The following SRD5A1 variants were observed in gnomAD, a reference collection of about 807,000 sequenced individuals.
SRD5A1 encodes the protein steroid 5 alpha-reductase 1, also known as 3-oxo-5-alpha-steroid 4-dehydrogenase 1.
A neutral mutation model predicts 28.2 loss-of-function variants in SRD5A1; 22 were observed. The observed-to-expected ratio is 0.78, with a 90% confidence interval of 0.56 to 1.12. SRD5A1 has a LOEUF of 1.12. Among genes scored for constraint, SRD5A1 ranks in the 50% most tolerant of loss-of-function variants. The pLI, the probability that SRD5A1 is intolerant of heterozygous loss-of-function variation, is 0.00. For missense variants in SRD5A1, 300 were observed against 346.7 expected (o/e 0.87, Z 1.07); for synonymous variants, 151 against 135.0 (o/e 1.12, Z -0.82).
intron 1 of SRD5A1, among the ~76,000 whole-genome samples, chr5:6,644,003 A>C (rs1290194857): frequency 6.6e-6 from 1 of 152,172 alleles, no homozygotes; most frequent in Non-Finnish European, 1.5e-5. Context: ...AATTCAACCC[A>C]CAACTTAGAA....
chr5:6,646,714 T>C (rs1738521054), intron 1 of SRD5A1, among the ~76,000 whole-genome samples: 1 of 152,074 alleles, frequency 6.6e-6, no homozygotes, highest in Non-Finnish European at 1.5e-5. Context: ...TGTTGATCTT[T>C]TCAAAAAACC....
chr5:6,651,724 C>T (rs945649255), intron 1 of SRD5A1, 118 bp from the exon 2 acceptor site: 1 of 920,326 alleles, frequency 1.1e-6, no homozygotes, highest in Non-Finnish European at 1.6e-6. Context: ...ATAAATGTTA[C>T]TGAGGATGAC....
chr5:6,657,875 C>T (rs1738879374), intron 3 of SRD5A1, among the ~76,000 whole-genome samples: 1 of 152,176 alleles, frequency 6.6e-6, no homozygotes, highest in Non-Finnish European at 1.5e-5. Context: ...TGTTCTAATC[C>T]AACATATTCA....
At chr5:6,642,847 G>A (rs1226331992) in intron 1 of SRD5A1, among the ~76,000 whole-genome samples, 2 of 152,146 alleles carry the variant, frequency 1.3e-5, no homozygotes, top group Non-Finnish European at 2.9e-5. Context: ...GGGACAAATC[G>A]GCATAGTCAG....
intron 1 of SRD5A1, among the ~76,000 whole-genome samples, chr5:6,642,500 A>G (rs1039094077): frequency 6.6e-6 from 1 of 152,232 alleles, no homozygotes; most frequent in Non-Finnish European, 1.5e-5. Flanking sequence ...CTTAGAATTT[A>G]TATCCACTGC....
At chr5:6,666,679 T>C (rs1020839309) in intron 4 of SRD5A1, among the ~76,000 whole-genome samples, 7 of 152,220 alleles carry the variant, frequency 4.6e-5, no homozygotes, top group African/African-American at 1.7e-4. Context: ...TTCTATATAA[T>C]GGTTTCTGTG....
Position 6,633,580 on chromosome 5 carries a change from GCA to G in SRD5A1, c.5_6del (p.Ala2AspfsTer125). Reference protein sequence around the residue: MATATGVAEERL... With the variant: MXTATGVAEERL... ...AGCACGCTGCCCAGCCCTGGCGATG[GCA>G]ACGGCGACGGGGGTGGCGGAGGAGC... On this transcript the variant is annotated frameshift_variant, in exon 1 of 5. Transcript: ENST00000274192. LOFTEE classifies it high-confidence loss of function. 1 of 1,517,782 alleles carries G rather than the reference GCA, an allele frequency of 6.6e-7. No individual in the cohort carries two copies. The highest frequency in any genetic ancestry group is 8.8e-7 in the Non-Finnish European group (1 of 1,140,254). The allele number at this position is 1,517,782 out of a possible 1,614,324, so 94.0% of individuals were successfully genotyped here. A position where few individuals can be genotyped will look rare whatever the true frequency, so the allele number is the denominator to read the frequency against.
intron 1 of SRD5A1, among the ~76,000 whole-genome samples, chr5:6,638,039 A>G (rs1398749967): frequency 6.6e-6 from 1 of 152,224 alleles, no homozygotes; most frequent in Non-Finnish European, 1.5e-5. Flanking sequence ...CAGGTGCATT[A>G]AAATTGTAGT....
In SRD5A1 at chr5:6,651,874, G is replaced by A. The variant is rs757389383; in HGVS notation, c.326G>A (p.Gly109Glu). 23 of 1,612,506 alleles carry A rather than the reference G, an allele frequency of 1.4e-5. No individual in the cohort carries two copies. The highest frequency in any genetic ancestry group is 2.0e-5 in the Non-Finnish European group (23 of 1,179,350). ...CLIYPFLMRG[G>E]KPMPLLACTM... Reference sequence around the variant, plus strand: ...ATTTACCCATTTCTGATGCGAGGAGGAAAGCCTATGCCACTGTTGGCGTGT... The same window carrying A: ...ATTTACCCATTTCTGATGCGAGGAGAAAAGCCTATGCCACTGTTGGCGTGT... The change falls in exon 2 of 5, where the codon GGA (glycine) becomes GAA (glutamate). Residue 109 changes from glycine (G) to glutamate (E), a missense_variant. Physicochemically the swap from Gly to Glu is moderately conservative, Grantham distance 98. Around this residue, in one of 2 missense-constraint regions of SRD5A1, gnomAD observed 174 missense variants for 160.9 expected, o/e 1.08. Transcript: ENST00000274192.
In SRD5A1 at chr5:6,656,138, A is replaced by C. The variant is rs981784966; in HGVS notation, c.521A>C (p.Asn174Thr). The C allele has an allele frequency of 1.9e-6, 3 of 1,614,082 alleles. No homozygotes were observed. Among genetic ancestry groups the C allele is most frequent in the Admixed American group, 1.7e-5 (1 of 60,020 alleles). ...ATCCATTCAGATCATATCCTAAGGA[A>C]TCTCAGAAAACCAGGAGATACTGGA... ...INIHSDHILR[N>T]LRKPGDTGYK... The change falls in exon 3 of 5, where the codon AAT (asparagine) becomes ACT (threonine). Residue 174 changes from asparagine to threonine, a missense_variant. This residue lies in a region of SRD5A1 where 126 missense variants were observed against 185.7 expected (regional missense o/e 0.68). Coordinates refer to ENST00000274192, the MANE Select transcript of SRD5A1 (RefSeq NM_001047.4).
chr5:6,664,520 T>G (rs889600147), intron 4 of SRD5A1, among the ~76,000 whole-genome samples: 4 of 152,142 alleles, frequency 2.6e-5, no homozygotes, highest in African/African-American at 9.7e-5. Flanking sequence ...TCTTCCCACC[T>G]CAGCCTTCCA....
At chr5:6,665,498 C>G (rs907418318) in intron 4 of SRD5A1, among the ~76,000 whole-genome samples, 9 of 152,250 alleles carry the variant, frequency 5.9e-5, no homozygotes, top group African/African-American at 2.2e-4. Context: ...GGTTGAAATA[C>G]AACGTTATCT....
At chr5:6,645,787 A>AT (rs1428450966) in intron 1 of SRD5A1, among the ~76,000 whole-genome samples, 5 of 151,994 alleles carry the variant, frequency 3.3e-5, no homozygotes, top group Admixed American at 3.3e-4. Context: ...CCCTGACTCT[A>AT]TTTTTGCCTT....
At chr5:6,658,734 G>A (rs1381638478) in intron 3 of SRD5A1, among the ~76,000 whole-genome samples, 1 of 151,642 alleles carries the variant, frequency 6.6e-6, no homozygotes, top group Non-Finnish European at 1.5e-5. Context: ...GATCAGACAA[G>A]ATCAAAATTC....
chr5:6,634,001 G>A (rs768296626), intron 1 of SRD5A1, 132 bp downstream of exon 1: 6 of 988,410 alleles, frequency 6.1e-6, no homozygotes, highest in Non-Finnish European at 8.9e-6. Flanking sequence ...AGATCCCCCG[G>A]GGCGTCCCCC....
At chr5:6,642,013 C>T (rs1355151398) in intron 1 of SRD5A1, among the ~76,000 whole-genome samples, 1 of 152,184 alleles carries the variant, frequency 6.6e-6, no homozygotes, top group Non-Finnish European at 1.5e-5. Context: ...GGCCAAGATA[C>T]TGGGTAGGTA....
In SRD5A1 at chr5:6,671,444, C is replaced by G. The variant is rs1340611437; in HGVS notation, c.*3176C>G. ...TGTATAGATTGTGAAGATTTTCTCC[C>G]ACTCTGTGCGTTGTCTGTTTACTCT... On this transcript the variant is annotated 3_prime_UTR_variant, in exon 5 of 5. Coordinates refer to ENST00000274192, the MANE Select transcript of SRD5A1 (RefSeq NM_001047.4). The G allele has an allele frequency of 6.6e-6, 1 of 152,122 alleles. No homozygotes were observed. Among genetic ancestry groups the G allele is most frequent in the Admixed American group, 6.5e-5 (1 of 15,274 alleles). 9.4% of individuals were successfully genotyped at this position (152,122 alleles called of 1,614,324 possible).
intron 3 of SRD5A1, among the ~76,000 whole-genome samples, chr5:6,660,044 G>A (rs1738957964): frequency 6.6e-6 from 1 of 152,158 alleles, no homozygotes; most frequent in Admixed American, 6.5e-5. Context: ...AACTGGTTAG[G>A]GTCAAAGGAG....
intron 4 of SRD5A1, among the ~76,000 whole-genome samples, chr5:6,664,126 C>T (rs1433335079): frequency 6.6e-6 from 1 of 152,148 alleles, no homozygotes; most frequent in African/African-American, 2.4e-5. Context: ...TTTACTATGT[C>T]CCCTGAGCCA....
Sources: gnomAD v4.1 joint callset for allele counts (sites outside exome capture counted in the v4.1 genomes callset) on GRCh38, gnomAD v4.1.1 for gene constraint, gnomAD v4.1.1 regional missense constraint, MANE v1.5 for transcripts, NCBI Gene and HGNC (gene_info 2026-07-23, HGNC 2026-07-21) for gene names.